ABHD2: variants seen among roughly 807,000 people sequenced by gnomAD.
ABHD2 encodes the protein abhydrolase domain containing 2, acylglycerol lipase, also known as monoacylglycerol lipase ABHD2.
ABHD2 carries 20 observed loss-of-function variants against 48.1 expected under a neutral mutation model. That is an observed-to-expected ratio of 0.42 (90% CI 0.29 to 0.60). The LOEUF is 0.60. ABHD2 is among the 20% of genes least tolerant of loss of function. The pLI is 0.24. For synonymous variants in ABHD2, 209 were observed against 214.2 expected (o/e 0.98, Z 0.21); for missense variants, 405 against 550.9 (o/e 0.74, Z 2.65).
At position 89,145,870 on chromosome 15, in the gene ABHD2, G is replaced by C. The variant is rs139756364; in HGVS notation, c.195-5807G>C. Among the ~76,000 whole-genome samples, 408 of 152,244 alleles carry C rather than the reference G, an allele frequency of 2.7e-3. 3 individuals are homozygous for C. Among genetic ancestry groups the C allele is most frequent in the African/African-American group, 9.0e-3 (373 of 41,538 alleles). ...TGGATCCTGCCCTCATTTCACGCCT[G>C]GTTCTCCAGCCTCTTTTCCATTTAG... On this transcript the variant is annotated intron_variant, in intron 3 of 10. Coordinates refer to ENST00000352732, the MANE Select transcript of ABHD2 (RefSeq NM_152924.5).
At chr15:89,163,259 A>C (rs2050789351) in intron 5 of ABHD2, among the ~76,000 whole-genome samples, 1 of 152,178 alleles carries the variant, frequency 6.6e-6, no homozygotes, top group Non-Finnish European at 1.5e-5. Context: ...CAAACCACAT[A>C]AGCTTTGCTA....
the ABHD2 span, among the ~76,000 whole-genome samples, chr15:89,077,217 T>G: frequency 6.6e-6 from 1 of 152,202 alleles, no homozygotes. Context: ...GTGTTACCTC[T>G]TTTTGAACTT....
chr15:89,095,380 C>T (rs1340960495), intron 1 of ABHD2, among the ~76,000 whole-genome samples: 2 of 152,236 alleles, frequency 1.3e-5, no homozygotes, highest in African/African-American at 4.8e-5. Flanking sequence ...GTACAGACTA[C>T]ACAATGTTGA....
rs2050848495 is a variant in ABHD2, at chr15:89,167,055, A to C, written c.539-8757A>C. On this transcript the variant is annotated intron_variant, in intron 5 of 10. Coordinates refer to ENST00000352732, the MANE Select transcript of ABHD2 (RefSeq NM_152924.5). This position sits in a 1 kb window ranked among gnomAD's most constrained non-coding sequence, Gnocchi z 5.5. Reference sequence around the variant, plus strand: ...ATTCCAGGACCCTCTTGGAGAGACTAGGATGTAGGGTTACCTACCTTTAGC... The same window carrying C: ...ATTCCAGGACCCTCTTGGAGAGACTCGGATGTAGGGTTACCTACCTTTAGC... Among the ~76,000 whole-genome samples the C allele has an allele frequency of 6.6e-6, 1 of 152,216 alleles. No individual in the cohort carries two copies. Among genetic ancestry groups the C allele is most frequent in the Non-Finnish European group, 1.5e-5 (1 of 68,026 alleles).
At position 89,094,045 on chromosome 15, in the gene ABHD2, A is replaced by G. The variant is rs1186897600; in HGVS notation, c.-107+5482A>G. 6.6e-6 allele frequency: 1 copy of G among 152,232 alleles called. No homozygotes were observed. 9.4% of individuals were successfully genotyped at this position (152,232 alleles called of 1,614,324 possible). ...AATCTTTAGTCTATTAGTCTAATCT[A>G]GAGTCCTTACCTTCTGGCCTTTGCT... On this transcript the variant is annotated intron_variant, in intron 1 of 10. Transcript: ENST00000352732. The surrounding 1 kb of genome is among the most constrained non-coding windows in gnomAD (Gnocchi z 4.7).
At position 89,200,626 on chromosome 15, in the gene ABHD2, C is replaced by A; in HGVS notation, c.*5203C>A. ...ATTGTGTTTTCTAACCATAAGAGATCATTAAAGGCAAAGCCTGTATGACGC... is the reference window on the plus strand; with the variant it reads ...ATTGTGTTTTCTAACCATAAGAGATAATTAAAGGCAAAGCCTGTATGACGC... On this transcript the variant is annotated 3_prime_UTR_variant, in exon 11 of 11. Transcript: ENST00000352732. The A allele has an allele frequency of 6.2e-6, 1 of 161,806 alleles. No homozygotes were observed. Among genetic ancestry groups the A allele is most frequent in the Non-Finnish European group, 1.4e-5 (1 of 71,772 alleles). 10.0% of individuals were successfully genotyped at this position (161,806 alleles called of 1,614,324 possible). A position where few individuals can be genotyped will look rare whatever the true frequency, so the allele number is the denominator to read the frequency against.
chr15:89,046,074 A>C, the ABHD2 span, among the ~76,000 whole-genome samples: 2 of 152,212 alleles, frequency 1.3e-5, no homozygotes, highest in Admixed American at 1.3e-4. Context: ...ACGTCCCATC[A>C]GTACCTAATT....
rs951174923 is a variant in ABHD2 at position 89,146,907 on chromosome 15, A to G, written c.195-4770A>G. 6.6e-6 allele frequency among the ~76,000 whole-genome samples: 1 copy of G among 152,228 alleles called. No individual in the cohort carries two copies. The highest frequency in any genetic ancestry group is 1.9e-4 in the East Asian group (1 of 5,204). On this transcript the variant is annotated intron_variant, in intron 3 of 10. Transcript: ENST00000352732. This position sits in a 1 kb window ranked among gnomAD's most constrained non-coding sequence, Gnocchi z 4.2. ...TTCCAATCAAAAATCTAAAATTTTT[A>G]TAGAACTAAACAAGCTAATCCTATA...
Position 89,184,583 on chromosome 15 carries a change from A to T in ABHD2, c.723-841A>T, listed in dbSNP as rs928121794. Among the ~76,000 whole-genome samples the T allele has an allele frequency of 1.1e-4, 17 of 152,194 alleles. No individual in the cohort carries two copies. Among genetic ancestry groups the T allele is most frequent in the African/African-American group, 4.1e-4 (17 of 41,458 alleles). ...AGGCATGGCTGGTGGGAGTGAGCCC[A>T]CTGGTGTTTGTTCACCTGCTGTGTG... On this transcript the variant is annotated intron_variant, in intron 6 of 10. Transcript: ENST00000352732. This position sits in a 1 kb window ranked among gnomAD's most constrained non-coding sequence, Gnocchi z 5.1.
Position 89,188,414 on chromosome 15 carries a change from G to C in ABHD2, c.926+111G>C. 1.1e-6 allele frequency: 1 copy of C among 881,544 alleles called. No individual in the cohort carries two copies. The highest frequency in any genetic ancestry group is 1.7e-6 in the Non-Finnish European group (1 of 574,058). The allele number at this position is 881,544 out of a possible 1,614,324, so 54.6% of individuals were successfully genotyped here. A position where few individuals can be genotyped will look rare whatever the true frequency, so the allele number is the denominator to read the frequency against. On this transcript the variant is annotated intron_variant, in intron 8 of 10. Coordinates refer to ENST00000352732, the MANE Select transcript of ABHD2 (RefSeq NM_152924.5). The surrounding 1 kb of genome is among the most constrained non-coding windows in gnomAD (Gnocchi z 4.1). ...TTGCTCTGCCTACTTGAGTGTTAAG[G>C]GTGTTTTTTTCCCTTTAAGTAAGTG... is the stretch of plus-strand genomic sequence containing the variant.
intron 1 of ABHD2, among the ~76,000 whole-genome samples, chr15:89,099,463 A>T (rs2049665717): frequency 6.6e-6 from 1 of 152,152 alleles, no homozygotes; most frequent in East Asian, 1.9e-4. Flanking sequence ...AGAAATTTTA[A>T]TTAGCCAAGT....
At position 89,106,073 on chromosome 15, in the gene ABHD2, G is replaced by C. The variant is rs1396576587; in HGVS notation, c.-106-7652G>C. On this transcript the variant is annotated intron_variant, in intron 1 of 10. Coordinates refer to ENST00000352732, the MANE Select transcript of ABHD2 (RefSeq NM_152924.5). The surrounding 1 kb of genome is among the most constrained non-coding windows in gnomAD (Gnocchi z 4.2). ...TCACGCCTGTAATTCCAGCACTTTG[G>C]GAGGCCGAGGCAGGTGGATCACCTG... Among the ~76,000 whole-genome samples, 4 of 152,124 alleles carry C rather than the reference G, an allele frequency of 2.6e-5. No homozygotes were observed. The highest frequency in any genetic ancestry group is 4.4e-5 in the Non-Finnish European group (3 of 68,018).
At chr15:89,127,375 A>C (rs2050145472) in intron 3 of ABHD2, among the ~76,000 whole-genome samples, 1 of 152,138 alleles carries the variant, frequency 6.6e-6, no homozygotes, top group Non-Finnish European at 1.5e-5. Flanking sequence ...GTTGATCCAG[A>C]ACCATCTGTA....
At position 89,195,350 on chromosome 15, in the gene ABHD2, A is replaced by AC; in HGVS notation, c.1206dup (p.Ala403ArgfsTer8). The AC allele has an allele frequency of 6.2e-7, 1 of 1,614,220 alleles. No individual in the cohort carries two copies. Among genetic ancestry groups the AC allele is most frequent in the Non-Finnish European group, 8.5e-7 (1 of 1,180,036 alleles). On this transcript the variant is annotated frameshift_variant, in exon 11 of 11. Transcript: ENST00000352732. LOFTEE classifies it high-confidence loss of function. This position sits in a 1 kb window ranked among gnomAD's most constrained non-coding sequence, Gnocchi z 5.1. ...GATAAGCTGGTGGTGGAGTACGCCA[A>AC]CGCCATTTGCCAATGGGAGCGTAAC...
At chr15:89,065,505 C>T in the ABHD2 span, among the ~76,000 whole-genome samples, 1 of 152,118 alleles carries the variant, frequency 6.6e-6, no homozygotes, top group African/African-American at 2.4e-5. Context: ...CTGTAGCTTA[C>T]TCTTGGGTAA....
At position 89,114,643 on chromosome 15, in the gene ABHD2, C is replaced by T. The variant is rs922112398; in HGVS notation, c.-7+819C>T. Among the ~76,000 whole-genome samples, 38 of 151,984 alleles carry T rather than the reference C, an allele frequency of 2.5e-4. No individual in the cohort carries two copies. The highest frequency in any genetic ancestry group is 1.5e-3 in the Admixed American group (23 of 15,260). On this transcript the variant is annotated intron_variant, in intron 2 of 10. Coordinates refer to ENST00000352732, the MANE Select transcript of ABHD2 (RefSeq NM_152924.5). The surrounding 1 kb of genome is among the most constrained non-coding windows in gnomAD (Gnocchi z 4.2). ...GATTACAGGCATGTGCCACCACGCC[C>T]GGCAAATTTTTGTATTTTTGGTAGA...
intron 6 of ABHD2, among the ~76,000 whole-genome samples, chr15:89,180,395 C>T (rs957897296): frequency 6.6e-6 from 1 of 152,166 alleles, no homozygotes; most frequent in Non-Finnish European, 1.5e-5. Context: ...GGTGGCCATC[C>T]CTACTCTAGT....
intron 3 of ABHD2, chr15:89,135,721 C>T: frequency 7.9e-7 from 1 of 1,258,258 alleles, no homozygotes; most frequent in Non-Finnish European, 1.2e-6. Flanking sequence ...TTTCCTTCAG[C>T]TTCGCAGCCT....
chr15:89,154,822 A>G (rs552664755), intron 4 of ABHD2, among the ~76,000 whole-genome samples: 2 of 152,252 alleles, frequency 1.3e-5, no homozygotes, highest in Non-Finnish European at 2.9e-5. Context: ...TATGCAAAAG[A>G]ATATGTATTG....
Sources: gnomAD v4.1 joint callset for allele counts (sites outside exome capture counted in the v4.1 genomes callset) on GRCh38, gnomAD v4.1.1 for gene constraint, Gnocchi (gnomAD v3.1) non-coding constraint, MANE v1.5 for transcripts, NCBI Gene and HGNC (gene_info 2026-07-23, HGNC 2026-07-21) for gene names.